Variants in DOCK3 observed in about 807,000 individuals in gnomAD.
DOCK3 encodes the protein dedicator of cytokinesis protein 3.
Under a neutral mutation model 265.6 loss-of-function variants are expected in DOCK3, and 60 were observed. That is an observed-to-expected ratio of 0.23 (90% CI 0.18 to 0.28). DOCK3 has a LOEUF of 0.28. Ranked by LOEUF, DOCK3 falls within the 10% of genes least tolerant of loss-of-function variation. DOCK3 has a pLI of 1.00. For missense variants in DOCK3, 1,981 were observed against 2,594.3 expected (o/e 0.76, Z 5.14); for synonymous variants, 881 against 938.0 (o/e 0.94, Z 1.11).
At chr3:51,066,316 CAAAA>C (rs1244726979) in intron 6 of DOCK3, among the ~76,000 whole-genome samples, 1 of 151,862 alleles carries the variant, frequency 6.6e-6, no homozygotes, top group African/African-American at 2.4e-5. Context: ...AATGGAAAAA[CAAAA>C]CAAACAAACA....
chr3:51,226,401 C>A (rs1468581035), intron 15 of DOCK3, among the ~76,000 whole-genome samples: 1 of 152,172 alleles, frequency 6.6e-6, no homozygotes, highest in South Asian at 2.1e-4. Context: ...GAAGACAAAT[C>A]GGTGTTGTAC....
At chr3:50,973,209 ACATGTGC>A (rs969437342) in intron 5 of DOCK3, among the ~76,000 whole-genome samples, 5 of 148,480 alleles carry the variant, frequency 3.4e-5, no homozygotes, top group Non-Finnish European at 5.9e-5. Context: ...GCATATGTAT[ACATGTGC>A]CACGCTGGTG....
chr3:51,036,854 C>T lies in DOCK3; in HGVS notation c.316-27594C>T, dbSNP rs142246293. Among the ~76,000 whole-genome samples, 237 of 152,222 alleles carry T rather than the reference C, an allele frequency of 1.6e-3. 2 individuals carry two copies. Among genetic ancestry groups the T allele is most frequent in the African/African-American group, 5.4e-3 (224 of 41,530 alleles). On this transcript the variant is annotated intron_variant, in intron 5 of 52. Coordinates refer to ENST00000266037, the MANE Select transcript of DOCK3 (RefSeq NM_004947.5). ...TGTTCACCTGATGGTGATTAAATCT[C>T]GAGATCTGATGGTTTTAAAAACGGG...
chr3:50,695,391 CAA>C (rs1041980966), intron 1 of DOCK3, among the ~76,000 whole-genome samples: 4 of 152,152 alleles, frequency 2.6e-5, no homozygotes, highest in Non-Finnish European at 5.9e-5. Context: ...AAAAATGAAA[CAA>C]AGAGGGTAGA....
chr3:51,315,649 G>A (rs565358810), intron 32 of DOCK3, among the ~76,000 whole-genome samples: 3 of 152,268 alleles, frequency 2.0e-5, no homozygotes, highest in Admixed American at 6.5e-5. Flanking sequence ...GTAGGAGATG[G>A]CCCCTGCCTT....
At chr3:51,345,249 G>T (rs981905700) in intron 38 of DOCK3, among the ~76,000 whole-genome samples, 2 of 152,168 alleles carry the variant, frequency 1.3e-5, no homozygotes, top group Non-Finnish European at 2.9e-5. Flanking sequence ...GATAATGGGG[G>T]TACAAGAGGC....
At chr3:51,237,280 G>A (rs112725390) in intron 20 of DOCK3, among the ~76,000 whole-genome samples, 2,620 of 152,248 alleles carry the variant, frequency 0.017, 42 homozygotes, top group Middle Eastern at 0.071. Flanking sequence ...TGATGAGCCC[G>A]GGTCTGAATT....
intron 18 of DOCK3, 147 bp downstream of exon 18, chr3:51,228,979 T>A: frequency 9.5e-7 from 1 of 1,054,750 alleles, no homozygotes; most frequent in Non-Finnish European, 1.3e-6. Flanking sequence ...AAGCGATCAC[T>A]CAGCAATAGC....
intron 4 of DOCK3, among the ~76,000 whole-genome samples, chr3:50,929,809 A>G (rs190334319): frequency 1.1e-3 from 169 of 152,384 alleles, no homozygotes; most frequent in Middle Eastern, 3.4e-3. Context: ...AGAACAATAT[A>G]AAATCTAGCT....
chr3:51,065,865 A>G (rs1008583197), intron 6 of DOCK3, among the ~76,000 whole-genome samples: 1 of 152,250 alleles, frequency 6.6e-6, no homozygotes, highest in Non-Finnish European at 1.5e-5. Context: ...TTTGAAGAAA[A>G]GCTTCTACAA....
chr3:50,900,086 A>C (rs776318307), intron 4 of DOCK3, among the ~76,000 whole-genome samples: 1 of 152,138 alleles, frequency 6.6e-6, no homozygotes, highest in Non-Finnish European at 1.5e-5. Flanking sequence ...ACTTGGTTCC[A>C]TTCTCACCGT....
rs748032150 is a variant in DOCK3, at chr3:51,332,990, G to A, written c.3489-11G>A. 2 of 1,613,968 alleles carry A rather than the reference G, an allele frequency of 1.2e-6. No homozygotes were observed. Among genetic ancestry groups the A allele is most frequent in the Non-Finnish European group, 1.7e-6 (2 of 1,179,870 alleles). On this transcript the variant is annotated splice_polypyrimidine_tract_variant and intron_variant, in intron 33 of 52. Transcript: ENST00000266037. ...AACCTCCTTATCTTTGCTTTCTGCT[G>A]CATGGAGTAGAACCCAGCTGTTTGG...
chr3:50,711,169 T>C (rs2036740084), intron 1 of DOCK3, among the ~76,000 whole-genome samples: 1 of 152,178 alleles, frequency 6.6e-6, no homozygotes, highest in African/African-American at 2.4e-5. Context: ...TTTTTGTCCT[T>C]TATTAGTATT....
In DOCK3 at chr3:50,733,877, T is replaced by A. The variant is rs150374217; in HGVS notation, c.38-44798T>A. 6.6e-5 allele frequency among the ~76,000 whole-genome samples: 10 copies of A among 152,258 alleles called. No homozygotes were observed. In the East Asian group the frequency reaches 1.9e-3, roughly 29 times the overall value. On this transcript the variant is annotated intron_variant, in intron 1 of 52. Coordinates refer to ENST00000266037, the MANE Select transcript of DOCK3 (RefSeq NM_004947.5). ...GATTCCTTTCTGTTTATCATTTATG[T>A]ATCTACAATAAGCTTTTGCTTTGTG...
At chr3:51,139,219 C>T (rs1208005509) in intron 9 of DOCK3, among the ~76,000 whole-genome samples, 1 of 150,834 alleles carries the variant, frequency 6.6e-6, no homozygotes, top group East Asian at 1.9e-4. Context: ...ATTTTGGTGT[C>T]TAGAATTCAG....
intron 3 of DOCK3, among the ~76,000 whole-genome samples, chr3:50,888,171 A>G (rs2048440361): frequency 6.6e-6 from 1 of 152,182 alleles, no homozygotes; most frequent in Admixed American, 6.5e-5. Flanking sequence ...GTCTCAGGAT[A>G]CAAAATCAAT....
intron 37 of DOCK3, among the ~76,000 whole-genome samples, chr3:51,339,638 A>ATG (rs2085103111): frequency 6.6e-6 from 1 of 152,192 alleles, no homozygotes; most frequent in African/African-American, 2.4e-5. Context: ...AACTAGAACA[A>ATG]ATTTTAAAGC....
At chr3:51,290,718 A>G (rs999360413) in intron 27 of DOCK3, among the ~76,000 whole-genome samples, 5 of 152,196 alleles carry the variant, frequency 3.3e-5, no homozygotes, top group Non-Finnish European at 5.9e-5. Context: ...TTTCATGCAA[A>G]TGGAAACAAA....
At chr3:51,087,472 G>A (rs2082469268) in intron 7 of DOCK3, among the ~76,000 whole-genome samples, 1 of 152,048 alleles carries the variant, frequency 6.6e-6, no homozygotes, top group Non-Finnish European at 1.5e-5. Context: ...GTTAGACATG[G>A]AAGGAAAATA....
Sources: allele counts gnomAD v4.1 joint callset (sites outside exome capture counted in the v4.1 genomes callset), GRCh38; gene constraint gnomAD v4.1.1; transcripts MANE v1.5; gene names NCBI Gene and HGNC (gene_info 2026-07-23, HGNC 2026-07-21).